LIPM: variants seen among roughly 807,000 people sequenced by gnomAD.
LIPM encodes lipase member M.
Under a neutral mutation model 42.4 loss-of-function variants are expected in LIPM, and 42 were observed. The observed-to-expected ratio is 0.99, with a 90% CI of 0.77 to 1.28. The LOEUF (loss-of-function observed/expected upper bound fraction) is 1.28. Ranked by LOEUF, LIPM falls within the 50% of genes most tolerant of loss-of-function variation. LIPM has a pLI of 0.00. For missense variants in LIPM, 524 were observed against 520.1 expected, an observed-to-expected ratio of 1.01 and a Z score of -0.07; for synonymous variants, 177 against 173.3, an observed-to-expected ratio of 1.02 and a Z score of -0.17.
intron 7 of LIPM, 67 bp from the exon 8 acceptor site, chr10:88,817,758 T>G: frequency 9.0e-7 from 1 of 1,115,838 alleles, no homozygotes; most frequent in Non-Finnish European, 1.3e-6. Flanking sequence ...GTAGCACATT[T>G]CCACCACCCC....
intron 8 of LIPM, among the ~76,000 whole-genome samples, 194 bp downstream of exon 8, chr10:88,818,090 G>A (rs72807379): frequency 0.013 from 2,032 of 152,288 alleles, 23 homozygotes; most frequent in Non-Finnish European, 0.023. Context: ...CTTTTACAAT[G>A]GAGTAGGAGG....
chr10:88,813,378 G>A, intron 3 of LIPM, 83 bp downstream of exon 3: 1 of 1,182,218 alleles, frequency 8.5e-7, no homozygotes, highest in African/African-American at 1.6e-5. Context: ...CTAGTATTTG[G>A]TTGATTTATT....
intron 8 of LIPM, 72 bp downstream of exon 8, chr10:88,817,968 G>T: frequency 8.8e-7 from 1 of 1,139,032 alleles, no homozygotes. Flanking sequence ...TATAATGACA[G>T]TTTATTCTAG....
At chr10:88,808,477 G>A in intron 2 of LIPM, 62 bp downstream of exon 2, 1 of 978,764 alleles carries the variant, frequency 1.0e-6, no homozygotes, top group South Asian at 1.4e-5. Flanking sequence ...ATTTCCTTGT[G>A]ATTTGAATGT....
chr10:88,819,278 A>AAGGG (rs1843757207), intron 8 of LIPM, among the ~76,000 whole-genome samples: 1 of 152,188 alleles, frequency 6.6e-6, no homozygotes. Context: ...ATGGGAGTGG[A>AAGGG]AGGGAAGAGT....
chr10:88,807,433 C>T (rs887011160), intron 1 of LIPM, among the ~76,000 whole-genome samples: 1 of 152,180 alleles, frequency 6.6e-6, no homozygotes, highest in Admixed American at 6.6e-5. Flanking sequence ...GCCCCTGATG[C>T]AAATGGTTCT....
intron 8 of LIPM, among the ~76,000 whole-genome samples, chr10:88,819,635 T>C (rs1238140689): frequency 1.3e-5 from 2 of 152,216 alleles, no homozygotes; most frequent in African/African-American, 4.8e-5. Flanking sequence ...CTAATTGGTA[T>C]ATTTGGTGGG....
chr10:88,817,843 C>T lies in LIPM; in HGVS notation c.949C>T (p.Leu317Phe). 3 of 1,551,362 alleles carry T rather than the reference C, an allele frequency of 1.9e-6. No individual in the cohort carries two copies. Among genetic ancestry groups the T allele is most frequent in the Non-Finnish European group, 2.6e-6 (3 of 1,146,790 alleles). The change falls in exon 8 of 9, where the codon CTC (leucine) becomes TTC (phenylalanine). Residue 317 changes from leucine (L) to phenylalanine (F), a missense_variant. By Grantham distance (22) the Leu-to-Phe change is conservative (BLOSUM62 0). Transcript: ENST00000404743. Reference protein sequence around the residue: ...HWSQAVNSGELRAFDWGSETK... With the variant: ...HWSQAVNSGEFRAFDWGSETK... The stretch of plus-strand genomic sequence containing the variant: ...CTTTTAGGCAGTGAATTCTGGTGAA[C>T]TCCGGGCATTTGACTGGGGGAGTGA...
At chr10:88,804,991 G>A (rs1564594457) in intron 1 of LIPM, among the ~76,000 whole-genome samples, 1 of 152,138 alleles carries the variant, frequency 6.6e-6, no homozygotes, top group Non-Finnish European at 1.5e-5. Context: ...CAATTTTGGA[G>A]CTTGTCTGTC....
intron 2 of LIPM, among the ~76,000 whole-genome samples, chr10:88,808,910 CATTTTATTTTATTTT>C (rs72015280): frequency 0.16 from 22,078 of 135,296 alleles, 1,979 homozygotes; most frequent in East Asian, 0.32. Context: ...TCTATACATA[CATTTTATTTTATTTT>C]ATTTTATTTT....
intron 8 of LIPM, among the ~76,000 whole-genome samples, chr10:88,820,012 TC>T (rs749274045): frequency 6.6e-6 from 1 of 152,182 alleles, no homozygotes; most frequent in African/African-American, 2.4e-5. Context: ...ACAGATATTA[TC>T]CCCAGTCACA....
chr10:88,809,959 A>G (rs113419455), intron 2 of LIPM, among the ~76,000 whole-genome samples: 3,314 of 152,172 alleles, frequency 0.022, 137 homozygotes, highest in African/African-American at 0.075. Flanking sequence ...TGGCCACCCT[A>G]TTCAAAGTTG....
intron 4 of LIPM, 46 bp from the exon 5 acceptor site, chr10:88,815,042 T>C (rs1156939629): frequency 6.7e-7 from 1 of 1,496,762 alleles, no homozygotes; most frequent in African/African-American, 1.4e-5. Flanking sequence ...TTTTATGAGT[T>C]CTAAAAATAT....
At chr10:88,813,558 A>C (rs1040051559) in intron 3 of LIPM, among the ~76,000 whole-genome samples, 4 of 151,894 alleles carry the variant, frequency 2.6e-5, no homozygotes, top group Non-Finnish European at 2.9e-5. Context: ...GAATGAGAGA[A>C]GTGTAGATCA....
At chr10:88,805,967 C>T (rs536298886) in intron 1 of LIPM, 44 of 456,604 alleles carry the variant, frequency 9.6e-5, no homozygotes, top group South Asian at 5.6e-4. Context: ...AGATGTCCTA[C>T]GTTGGGCTGA....
At chr10:88,814,135 A>G (rs188596259) in intron 3 of LIPM, among the ~76,000 whole-genome samples, 2 of 152,282 alleles carry the variant, frequency 1.3e-5, no homozygotes, top group East Asian at 3.9e-4. Flanking sequence ...TTGATGTTCA[A>G]CTCACTTTTT....
intron 2 of LIPM, among the ~76,000 whole-genome samples, chr10:88,811,099 G>A (rs372980574): frequency 1.3e-4 from 18 of 143,528 alleles, no homozygotes; most frequent in African/African-American, 4.5e-4. Flanking sequence ...CTGTCAAGAT[G>A]CTGGATGAGT....
chr10:88,803,146 C>A, intron 1 of LIPM, 103 bp downstream of exon 1: 1 of 1,268,304 alleles, frequency 7.9e-7, no homozygotes, highest in Non-Finnish European at 1.1e-6. Flanking sequence ...GTGATTCATA[C>A]TAGAAGAGCA....
At chr10:88,804,782 G>C (rs573581069) in intron 1 of LIPM, among the ~76,000 whole-genome samples, 1 of 152,118 alleles carries the variant, frequency 6.6e-6, no homozygotes, top group Non-Finnish European at 1.5e-5. Flanking sequence ...CCCTTAATTT[G>C]CATGAAATTA....
Sources: allele counts gnomAD v4.1 joint callset (sites outside exome capture counted in the v4.1 genomes callset), GRCh38; gene constraint gnomAD v4.1.1; transcripts MANE v1.5; gene names NCBI Gene and HGNC (gene_info 2026-07-23, HGNC 2026-07-21).